The following XPR1 variants were observed in gnomAD, a reference collection of about 807,000 sequenced individuals.
The protein encoded by XPR1 is xenotropic and polytropic retrovirus receptor 1, also known as solute carrier family 53 member 1.
In XPR1, 28 loss-of-function variants were observed where a neutral mutation model predicts 87.5. The observed-to-expected ratio is 0.32, with a 90% CI of 0.24 to 0.44. XPR1 has a LOEUF of 0.44. XPR1 is among the 20% of genes least tolerant of loss of function. The pLI is 1.00. For synonymous variants in XPR1, 300 were observed against 306.1 expected (o/e 0.98, Z 0.21); for missense variants, 559 against 862.3 (o/e 0.65, Z 4.41).
intron 9 of XPR1, among the ~76,000 whole-genome samples, chr1:180,833,624 C>A (rs931903860): frequency 1.3e-5 from 2 of 152,048 alleles, no homozygotes; most frequent in African/African-American, 4.8e-5. Flanking sequence ...GAATTTATTT[C>A]TTAAGATTTG....
At chr1:180,874,917 A>G (rs1289670475) in intron 13 of XPR1, among the ~76,000 whole-genome samples, 3 of 152,248 alleles carry the variant, frequency 2.0e-5, no homozygotes, top group Non-Finnish European at 2.9e-5. Context: ...CGTTGCTACA[A>G]GTAAATTTAC....
At chr1:180,705,587 A>G (rs1236335965) in intron 2 of XPR1, among the ~76,000 whole-genome samples, 1 of 152,196 alleles carries the variant, frequency 6.6e-6, no homozygotes, top group African/African-American at 2.4e-5. Context: ...GAGATAGTTA[A>G]TTTTAAAGGA....
chr1:180,699,075 A>G (rs1478202658), intron 2 of XPR1, among the ~76,000 whole-genome samples: 4 of 152,128 alleles, frequency 2.6e-5, no homozygotes, highest in Non-Finnish European at 4.4e-5. Flanking sequence ...GAGAGTTTTC[A>G]GTTATTTTGT....
At chr1:180,665,397 G>T (rs1178164236) in intron 1 of XPR1, among the ~76,000 whole-genome samples, 2 of 152,178 alleles carry the variant, frequency 1.3e-5, no homozygotes, top group Non-Finnish European at 2.9e-5. Context: ...ACCTCCTGCT[G>T]TGTGGCCTGG....
chr1:180,746,585 GT>G (rs575456987), intron 2 of XPR1, among the ~76,000 whole-genome samples: 9 of 151,184 alleles, frequency 6.0e-5, no homozygotes, highest in African/African-American at 1.9e-4. Flanking sequence ...TTGTATAGGG[GT>G]TTTTTTTTGA....
In XPR1 at chr1:180,673,857, C is replaced by G. The variant is rs146798686; in HGVS notation, c.70-8503C>G. Among the ~76,000 whole-genome samples the G allele has an allele frequency of 6.4e-3, 982 of 152,306 alleles. 6 individuals are homozygous for G. The highest frequency in any genetic ancestry group is 0.021 in the African/African-American group (892 of 41,560). On this transcript the variant is annotated intron_variant, in intron 1 of 14. Transcript: ENST00000367590. ...ATAAACCAGTAATACCAGTAGATTG[C>G]AGTGCCCATGTGTATGCTTGTTTTG...
chr1:180,693,883 A>T, intron 2 of XPR1, among the ~76,000 whole-genome samples: 1 of 152,176 alleles, frequency 6.6e-6, no homozygotes, highest in East Asian at 1.9e-4. Context: ...GATTCTAGGG[A>T]TTTGATATAG....
chr1:180,689,850 T>G (rs952825490), intron 2 of XPR1, among the ~76,000 whole-genome samples: 7 of 152,144 alleles, frequency 4.6e-5, no homozygotes. Flanking sequence ...AATCTAAAAC[T>G]ATTCTAAGGT....
chr1:180,741,526 C>A (rs769305234), intron 2 of XPR1, among the ~76,000 whole-genome samples: 1 of 151,990 alleles, frequency 6.6e-6, no homozygotes, highest in Non-Finnish European at 1.5e-5. Context: ...CACTCTATCA[C>A]CCCGGCTGGG....
intron 10 of XPR1, 49 bp downstream of exon 10, chr1:180,835,094 A>ATTTTGGGATATATATTGGGAAG: frequency 6.4e-7 from 1 of 1,570,466 alleles, no homozygotes. Context: ...GTGTAAACCA[A>ATTTTGGGATATATATTGGGAAG]GATATATTGG....
At position 180,689,412 on chromosome 1, in the gene XPR1, C is replaced by G. The variant is rs904205218; in HGVS notation, c.121+7001C>G. Among the ~76,000 whole-genome samples the G allele has an allele frequency of 2.6e-5, 4 of 152,206 alleles. No homozygotes were observed. In the East Asian group the frequency reaches 7.7e-4, roughly 29 times the overall value. ...TTTTAAAACATTACTTTGAAAAATA[C>G]TAGACTATTTAACTTGTTAGAAAAA... On this transcript the variant is annotated intron_variant, in intron 2 of 14. Coordinates refer to ENST00000367590, the MANE Select transcript of XPR1 (RefSeq NM_004736.4).
chr1:180,696,232 T>A (rs1288979968), intron 2 of XPR1, among the ~76,000 whole-genome samples: 1 of 113,226 alleles, frequency 8.8e-6, no homozygotes, highest in Non-Finnish European at 1.9e-5. Flanking sequence ...ATATATATAT[T>A]ATGGTAGCTA....
intron 6 of XPR1, among the ~76,000 whole-genome samples, chr1:180,807,493 T>C: frequency 6.6e-6 from 1 of 152,228 alleles, no homozygotes; most frequent in East Asian, 1.9e-4. Flanking sequence ...GTAATAATTC[T>C]GACAAAAGAT....
intron 1 of XPR1, among the ~76,000 whole-genome samples, chr1:180,649,754 G>C (rs555145979): frequency 5.0e-4 from 76 of 152,268 alleles, no homozygotes; most frequent in African/African-American, 1.8e-3. Context: ...TGCTGAGTCT[G>C]GAGTGGTATC....
At chr1:180,641,772 A>G (rs1446049467) in intron 1 of XPR1, among the ~76,000 whole-genome samples, 1 of 152,204 alleles carries the variant, frequency 6.6e-6, no homozygotes, top group Non-Finnish European at 1.5e-5. Flanking sequence ...AATTGAGAGC[A>G]GAGATGCCAA....
intron 2 of XPR1, among the ~76,000 whole-genome samples, chr1:180,686,414 G>A (rs1256348319): frequency 6.6e-6 from 1 of 152,100 alleles, no homozygotes; most frequent in African/African-American, 2.4e-5. Flanking sequence ...CAACTATGTG[G>A]TCAGTTTTGG....
chr1:180,808,306 G>A lies in XPR1; in HGVS notation c.681+1749G>A, dbSNP rs1469026242. On this transcript the variant is annotated intron_variant, in intron 6 of 14. Transcript: ENST00000367590. ...ATATACCAAAAAAAAAAAAAAATGA[G>A]CTTTCATCCATACTTCACAACATAC... Among the ~76,000 whole-genome samples the A allele has an allele frequency of 2.0e-5, 3 of 150,574 alleles. No individual in the cohort carries two copies. In the East Asian group the frequency reaches 5.8e-4, roughly 29 times the overall value.
At chr1:180,701,160 A>C (rs71516921) in intron 2 of XPR1, among the ~76,000 whole-genome samples, 523 of 1,524 alleles carry the variant, frequency 0.34, 20 homozygotes, top group South Asian at 0.4. Flanking sequence ...TGTCGTCTGC[A>C]AACAGGGACA....
chr1:180,806,890 G>C (rs887462658), intron 6 of XPR1, among the ~76,000 whole-genome samples: 1 of 149,126 alleles, frequency 6.7e-6, no homozygotes, highest in African/African-American at 2.5e-5. Flanking sequence ...CTCCAAAAAA[G>C]CATTTATTAA....
Sources: gnomAD v4.1 joint callset for allele counts (sites outside exome capture counted in the v4.1 genomes callset) on GRCh38, gnomAD v4.1.1 for gene constraint, MANE v1.5 for transcripts, NCBI Gene and HGNC (gene_info 2026-07-23, HGNC 2026-07-21) for gene names.